ITIH5: variants seen among roughly 807,000 people sequenced by gnomAD.
ITIH5 encodes inter-alpha-trypsin inhibitor heavy chain 5.
In ITIH5, 65 loss-of-function variants were observed where a neutral mutation model predicts 77.5. The observed-to-expected ratio is 0.84, with a 90% CI of 0.69 to 1.03. The LOEUF is 1.03. Among genes scored for constraint, ITIH5 ranks in the 50% least tolerant of loss-of-function variants. The pLI is 0.00. For synonymous variants in ITIH5, 525 were observed against 494.3 expected (o/e 1.06, Z -0.82); for missense variants, 1,208 against 1,213.1 (o/e 1.00, Z 0.06).
chr10:7,644,719 T>C lies in ITIH5; in HGVS notation c.136-2629A>G, dbSNP rs183355426. ...ACATATCTATATCACATATATATCA[T>C]ATATATCACATATCTATATCACATA... On this transcript the variant is annotated intron_variant, in intron 2 of 13. Transcript: ENST00000397146. Among the ~76,000 whole-genome samples, 28 of 134,452 alleles carry C rather than the reference T, an allele frequency of 2.1e-4. 1 individual carries two copies. The highest frequency in any genetic ancestry group is 4.1e-3 in the Middle Eastern group (1 of 246). 88.2% of individuals were successfully genotyped at this position (134,452 alleles called of 152,430 possible). A position where few individuals can be genotyped will look rare whatever the true frequency, so the allele number is the denominator to read the frequency against.
At chr10:7,577,074 G>T in intron 9 of ITIH5, 62 bp from the exon 10 acceptor site, 1 of 1,438,452 alleles carries the variant, frequency 7.0e-7, no homozygotes, top group Non-Finnish European at 9.4e-7. Flanking sequence ...AGGCAGGACA[G>T]TCCTAAAGGA....
intron 7 of ITIH5, among the ~76,000 whole-genome samples, chr10:7,603,591 T>C (rs1833058754): frequency 6.6e-6 from 1 of 152,092 alleles, no homozygotes; most frequent in African/African-American, 2.4e-5. Flanking sequence ...GTTTTTTGTT[T>C]GCTTGTTTTT....
Position 7,576,611 on chromosome 10 carries a change from G to C in ITIH5, c.1820C>G (p.Ala607Gly), listed in dbSNP as rs926349690. The C allele has an allele frequency of 3.7e-6, 6 of 1,613,956 alleles. No homozygotes were observed. The Admixed American group carries it at 1.0e-4, about 27-fold the overall frequency. ...EKERLRQRAQ[A>G]LAVSYRFLTP... ...GAGGAAGCGGTAGCTCACAGCCAGG[G>C]CCTGGGCCCGCTGCCGCAGCCGCTC... Residue 607 changes from alanine (A) to glycine (G), a missense_variant, in exon 10 of 14, where the codon GCC becomes GGC. Ala to Gly is a moderately conservative substitution (Grantham distance 60). Transcript: ENST00000397146.
At chr10:7,621,890 A>G (rs1833479967) in intron 5 of ITIH5, 1 of 152,304 alleles carries the variant, frequency 6.6e-6, no homozygotes, top group African/African-American at 2.4e-5. Context: ...TGAAGACCGC[A>G]AGGAAAGACA....
At chr10:7,664,535 T>G (rs1056184631) in intron 1 of ITIH5, among the ~76,000 whole-genome samples, 11 of 152,106 alleles carry the variant, frequency 7.2e-5, no homozygotes, top group Non-Finnish European at 1.6e-4. Context: ...ACACCCCAAG[T>G]GACTTTTTCC....
chr10:7,583,672 G>A (rs1343056961), intron 8 of ITIH5, among the ~76,000 whole-genome samples: 3 of 152,178 alleles, frequency 2.0e-5, no homozygotes, highest in Admixed American at 6.5e-5. Context: ...ATTTCTTAGT[G>A]CCCCTGGATG....
chr10:7,566,002 C>T (rs1441288317), intron 13 of ITIH5, 28 bp downstream of exon 13: 1 of 1,597,264 alleles, frequency 6.3e-7, no homozygotes, highest in Non-Finnish European at 8.6e-7. Flanking sequence ...CCCTCTATGC[C>T]CAGCGTGAGG....
At chr10:7,581,214 C>G (rs569954375) in intron 8 of ITIH5, among the ~76,000 whole-genome samples, 1 of 152,002 alleles carries the variant, frequency 6.6e-6, no homozygotes, top group Non-Finnish European at 1.5e-5. Flanking sequence ...GAGCCAAGAT[C>G]GTGCCATTGC....
chr10:7,569,551 C>T (rs12267936), intron 12 of ITIH5, 117 bp downstream of exon 12: 111,338 of 611,748 alleles, frequency 0.18, 12,539 homozygotes, highest in East Asian at 0.43. Flanking sequence ...ACTGACGATA[C>T]TCACTGAGCG....
intron 7 of ITIH5, among the ~76,000 whole-genome samples, chr10:7,595,693 G>T (rs1488442915): frequency 6.6e-6 from 1 of 152,114 alleles, no homozygotes; most frequent in Non-Finnish European, 1.5e-5. Flanking sequence ...AATTCTTCCA[G>T]GCACAAGGCA....
chr10:7,588,180 T>G (rs1041499421), intron 7 of ITIH5, among the ~76,000 whole-genome samples: 1 of 152,202 alleles, frequency 6.6e-6, no homozygotes, highest in Non-Finnish European at 1.5e-5. Flanking sequence ...GGTCAGAAGT[T>G]AGAGACCAGC....
intron 11 of ITIH5, chr10:7,571,723 T>C (rs1475787014): frequency 6.5e-6 from 1 of 153,812 alleles, no homozygotes; most frequent in Non-Finnish European, 1.4e-5. Flanking sequence ...AGCCTTTCTA[T>C]ACACTTTAAA....
chr10:7,639,745 T>C (rs1025158170), intron 4 of ITIH5, among the ~76,000 whole-genome samples: 5 of 152,150 alleles, frequency 3.3e-5, no homozygotes, highest in African/African-American at 1.2e-4. Flanking sequence ...TCTATAGGCA[T>C]TAAAAAGCAA....
intron 2 of ITIH5, among the ~76,000 whole-genome samples, chr10:7,649,986 TA>T (rs938723294): frequency 2.6e-5 from 4 of 152,142 alleles, no homozygotes; most frequent in East Asian, 3.8e-4. Flanking sequence ...AAAATAGTGG[TA>T]AAAAAAATCT....
At chr10:7,572,113 C>T (rs1564235798) in intron 11 of ITIH5, 17 of 1,063,366 alleles carry the variant, frequency 1.6e-5, no homozygotes, top group Middle Eastern at 2.9e-4. Flanking sequence ...TCCATAAAGC[C>T]TGTGTGTGTG....
intron 8 of ITIH5, among the ~76,000 whole-genome samples, chr10:7,582,014 T>C (rs1409831657): frequency 6.6e-6 from 1 of 151,676 alleles, no homozygotes; most frequent in Non-Finnish European, 1.5e-5. Flanking sequence ...TAGCTGGGAT[T>C]ACAGGCACAC....
At chr10:7,577,743 A>G (rs1832454721) in intron 9 of ITIH5, among the ~76,000 whole-genome samples, 1 of 152,238 alleles carries the variant, frequency 6.6e-6, no homozygotes, top group South Asian at 2.1e-4. Flanking sequence ...TTAGACTTCC[A>G]TCTCTGTTGC....
intron 7 of ITIH5, among the ~76,000 whole-genome samples, chr10:7,594,610 TC>T (rs1832858419): frequency 6.9e-6 from 1 of 145,958 alleles, no homozygotes; most frequent in African/African-American, 2.5e-5. Context: ...CAGGCCTGAT[TC>T]GCGAGGGGAT....
Position 7,594,356 on chromosome 10 carries a change from C to T in ITIH5, c.940-8287G>A, listed in dbSNP as rs1251823244. Among the ~76,000 whole-genome samples the T allele has an allele frequency of 3.3e-5, 5 of 152,142 alleles. No homozygotes were observed. In the South Asian group the frequency reaches 6.2e-4, roughly 19 times the overall value. ...TAGGCCTGAAGGAAGAGACACTGGG[C>T]ACCCCAGGAAGCCACGCTCGTGTCC... On this transcript the variant is annotated intron_variant, in intron 7 of 13. Transcript: ENST00000397146.
Sources: gnomAD v4.1 joint callset for allele counts (sites outside exome capture counted in the v4.1 genomes callset) on GRCh38, gnomAD v4.1.1 for gene constraint, MANE v1.5 for transcripts, NCBI Gene and HGNC (gene_info 2026-07-23, HGNC 2026-07-21) for gene names.